Variants in GPR107 observed in about 807,000 individuals in gnomAD.
The protein encoded by GPR107 is G protein-coupled receptor 107, also known as protein GPR107.
Under a neutral mutation model 75.5 loss-of-function variants are expected in GPR107, and 31 were observed. That is an observed-to-expected ratio of 0.41 (90% CI 0.31 to 0.55). The LOEUF (loss-of-function observed/expected upper bound fraction) is 0.55. GPR107 is among the 20% of genes least tolerant of loss of function. The pLI, the probability that GPR107 is intolerant of heterozygous loss-of-function variation, is 0.26. For synonymous variants in GPR107, 267 were observed against 251.3 expected (o/e 1.06, Z -0.59); for missense variants, 572 against 665.7 (o/e 0.86, Z 1.55).
intron 14 of GPR107, among the ~76,000 whole-genome samples, chr9:130,109,482 A>G (rs1441220943): frequency 2.0e-5 from 3 of 148,694 alleles, no homozygotes; most frequent in Non-Finnish European, 4.5e-5. Flanking sequence ...CTTTGGGGAT[A>G]TTCTTGTCCT....
intron 10 of GPR107, among the ~76,000 whole-genome samples, chr9:130,099,923 C>T (rs1226091547): frequency 9.0e-6 from 1 of 111,306 alleles, no homozygotes; most frequent in Non-Finnish European, 1.7e-5. Context: ...GAGACGGGGC[C>T]TCGCTCTGTT....
At chr9:130,115,479 A>G (rs1483015641) in intron 14 of GPR107, among the ~76,000 whole-genome samples, 1 of 151,924 alleles carries the variant, frequency 6.6e-6, no homozygotes, top group African/African-American at 2.4e-5. Flanking sequence ...TAAAAAAAAA[A>G]ATAGGCCAGG....
At chr9:130,127,002 G>C in intron 15 of GPR107, among the ~76,000 whole-genome samples, 1 of 152,214 alleles carries the variant, frequency 6.6e-6, no homozygotes, top group East Asian at 1.9e-4. Flanking sequence ...TCTTGCTAGA[G>C]AACTTGGTAG....
chr9:130,082,133 G>C (rs1192021497), intron 5 of GPR107, among the ~76,000 whole-genome samples: 1 of 152,154 alleles, frequency 6.6e-6, no homozygotes, highest in East Asian at 1.9e-4. Context: ...CTTACCACAA[G>C]GAGGGCACCA....
In GPR107 at chr9:130,097,610, T is replaced by C. The variant is rs116741560; in HGVS notation, c.864-1847T>C. Among the ~76,000 whole-genome samples, 801 of 152,286 alleles carry C rather than the reference T, an allele frequency of 5.3e-3. 7 individuals carry two copies. The highest frequency in any genetic ancestry group is 0.018 in the African/African-American group (763 of 41,564). Reference sequence around the variant, plus strand: ...TGCCAATCTGATAGGTGTAAAGTGGTATCTTGCTTTATTTTGCGTTTCTCT... The same window carrying C: ...TGCCAATCTGATAGGTGTAAAGTGGCATCTTGCTTTATTTTGCGTTTCTCT... On this transcript the variant is annotated intron_variant, in intron 9 of 17. Coordinates refer to ENST00000347136, the MANE Select transcript of GPR107 (RefSeq NM_020960.5).
intron 1 of GPR107, among the ~76,000 whole-genome samples, chr9:130,074,885 CCTT>C (rs1830304537): frequency 6.6e-6 from 1 of 151,412 alleles, no homozygotes; most frequent in Non-Finnish European, 1.5e-5. Flanking sequence ...TTCAGCCGCT[CCTT>C]TTCTTCCTCC....
Position 130,135,178 on chromosome 9 carries a change from C to A in GPR107, c.*57C>A. The A allele has an allele frequency of 1.1e-6, 1 of 897,284 alleles. No homozygotes were observed. Among genetic ancestry groups the A allele is most frequent in the East Asian group, 2.6e-5 (1 of 38,862 alleles). The allele number at this position is 897,284 out of a possible 1,614,324, so 55.6% of individuals were successfully genotyped here. On this transcript the variant is annotated 3_prime_UTR_variant, in exon 18 of 18. Transcript: ENST00000347136. Reference sequence around the variant, plus strand: ...GGAAACTGTTAACTTATTCATAGTCCTATTGGACAGCAGGAGCAGCTCCTA... The same window carrying A: ...GGAAACTGTTAACTTATTCATAGTCATATTGGACAGCAGGAGCAGCTCCTA...
chr9:130,117,068 T>TC (rs1231823346), intron 14 of GPR107, among the ~76,000 whole-genome samples: 2 of 152,014 alleles, frequency 1.3e-5, no homozygotes, highest in African/African-American at 4.8e-5. Flanking sequence ...TGCCTCAGTC[T>TC]CCTGAGTAGC....
chr9:130,073,646 G>A (rs1262031919), intron 1 of GPR107, among the ~76,000 whole-genome samples: 1 of 152,202 alleles, frequency 6.6e-6, no homozygotes, highest in Non-Finnish European at 1.5e-5. Flanking sequence ...CCAAAAAAGG[G>A]AAGAAGGAGC....
At chr9:130,080,714 A>C (rs1830474715) in intron 5 of GPR107, among the ~76,000 whole-genome samples, 1 of 150,526 alleles carries the variant, frequency 6.6e-6, no homozygotes, top group Admixed American at 6.6e-5. Context: ...GATGGTCTCG[A>C]TCTCCCGACC....
chr9:130,074,775 C>T (rs1054477212), intron 1 of GPR107, among the ~76,000 whole-genome samples: 2 of 151,964 alleles, frequency 1.3e-5, no homozygotes, highest in Non-Finnish European at 2.9e-5. Flanking sequence ...AAATAATTGA[C>T]TTATAGCTTA....
intron 1 of GPR107, among the ~76,000 whole-genome samples, chr9:130,072,040 C>G (rs1284329790): frequency 1.3e-5 from 2 of 151,576 alleles, no homozygotes; most frequent in African/African-American, 4.9e-5. Flanking sequence ...TGGTACAACC[C>G]GGCTCCCTGC....
At chr9:130,068,477 G>A (rs1830121392) in intron 1 of GPR107, among the ~76,000 whole-genome samples, 1 of 152,014 alleles carries the variant, frequency 6.6e-6, no homozygotes, top group Non-Finnish European at 1.5e-5. Context: ...TATAACATGT[G>A]GGTTAATATA....
In GPR107 at chr9:130,112,079, C is replaced by T. The variant is rs1259280054; in HGVS notation, c.1306+4540C>T. On this transcript the variant is annotated intron_variant, in intron 14 of 17. Coordinates refer to ENST00000347136, the MANE Select transcript of GPR107 (RefSeq NM_020960.5). This position sits in a 1 kb window ranked among gnomAD's most constrained non-coding sequence, Gnocchi z 4.0. ...CAGTGTCATTACCTTATAGGACTGG[C>T]GTCGAGATACACACCGTAAATTTAA... Among the ~76,000 whole-genome samples the T allele has an allele frequency of 6.6e-6, 1 of 152,198 alleles. No homozygotes were observed. Among genetic ancestry groups the T allele is most frequent in the East Asian group, 1.9e-4 (1 of 5,192 alleles).
Position 130,092,230 on chromosome 9 carries a change from A to C in GPR107, c.730-18A>C, listed in dbSNP as rs753246032. The C allele has an allele frequency of 6.2e-7, 1 of 1,604,114 alleles. No homozygotes were observed. The highest frequency in any genetic ancestry group is 8.5e-7 in the Non-Finnish European group (1 of 1,171,916). ...ATATGTTTCTGAAAAGTAAAAATTA[A>C]TTTCATGCTGGTTTCAGATTGAGAT... On this transcript the variant is annotated intron_variant, in intron 8 of 17. Coordinates refer to ENST00000347136, the MANE Select transcript of GPR107 (RefSeq NM_020960.5).
chr9:130,132,797 TAA>T (rs1197993013), intron 17 of GPR107, among the ~76,000 whole-genome samples: 3,534 of 134,246 alleles, frequency 0.026, 84 homozygotes, highest in African/African-American at 0.072. Context: ...AAAAATCAAA[TAA>T]AAAAAAAATA....
rs1324378472 is a variant in GPR107, at chr9:130,071,838, G to A, written c.142-3798G>A. 3.3e-5 allele frequency among the ~76,000 whole-genome samples: 5 copies of A among 151,826 alleles called. No homozygotes were observed. The East Asian group carries it at 9.7e-4, about 29-fold the overall frequency. On this transcript the variant is annotated intron_variant, in intron 1 of 17. Coordinates refer to ENST00000347136, the MANE Select transcript of GPR107 (RefSeq NM_020960.5). ...AGCTGGGATTAACAGATGCCTGCCA[G>A]CAAGCCTGGCTTATTTTTGTACTTT...
At chr9:130,122,862 G>A (rs1323869295) in intron 14 of GPR107, among the ~76,000 whole-genome samples, 2 of 152,148 alleles carry the variant, frequency 1.3e-5, no homozygotes, top group African/African-American at 4.8e-5. Context: ...TTAGTCGGGC[G>A]TGGTGGCACA....
chr9:130,131,499 C>T (rs1831826756), intron 17 of GPR107, among the ~76,000 whole-genome samples: 1 of 152,152 alleles, frequency 6.6e-6, no homozygotes, highest in African/African-American at 2.4e-5. Flanking sequence ...CACACCCTTA[C>T]TCCCGTTCTC....
Sources: gnomAD v4.1 joint callset for allele counts (sites outside exome capture counted in the v4.1 genomes callset) on GRCh38, gnomAD v4.1.1 for gene constraint, Gnocchi (gnomAD v3.1) non-coding constraint, MANE v1.5 for transcripts, NCBI Gene and HGNC (gene_info 2026-07-23, HGNC 2026-07-21) for gene names.